The following MYLK4 variants were observed in gnomAD, a reference collection of about 807,000 sequenced individuals.
MYLK4 encodes the protein myosin light chain kinase family member 4.
Under a neutral mutation model 48.1 loss-of-function variants are expected in MYLK4, and 46 were observed. The ratio of observed to expected loss-of-function variants is 0.96; its 90% CI spans 0.75 to 1.22. The LOEUF (loss-of-function observed/expected upper bound fraction) is 1.22, where lower values mean the gene tolerates loss of function less well. Among genes scored for constraint, MYLK4 ranks in the 50% most tolerant of loss-of-function variants. The probability of loss-of-function intolerance (pLI) is 0.00; values close to 1 mark genes in which losing one functional copy is unlikely to be tolerated. For missense variants in MYLK4, 451 were observed against 486.1 expected (o/e 0.93, Z 0.68); for synonymous variants, 170 against 180.8 (o/e 0.94, Z 0.48).
At chr6:2,769,097 G>C in the MYLK4 span, among the ~76,000 whole-genome samples, 1 of 152,086 alleles carries the variant, frequency 6.6e-6, no homozygotes, top group African/African-American at 2.4e-5. Context: ...GAAATGGTTG[G>C]CATATCCCTG....
chr6:2,723,559 G>A (rs1374587243), intron 2 of MYLK4, among the ~76,000 whole-genome samples: 2 of 152,212 alleles, frequency 1.3e-5, no homozygotes, highest in Non-Finnish European at 2.9e-5. Context: ...GGCACCCCAG[G>A]GTCTGCGTTT....
intron 11 of MYLK4, among the ~76,000 whole-genome samples, chr6:2,674,209 A>G (rs1760999825): frequency 6.6e-6 from 1 of 152,218 alleles, no homozygotes; most frequent in Non-Finnish European, 1.5e-5. Context: ...GTTATTACAG[A>G]GAGTGGGCTA....
the MYLK4 span, chr6:2,768,953 AC>A: frequency 6.9e-7 from 1 of 1,452,482 alleles, no homozygotes; most frequent in South Asian, 1.4e-5. Context: ...AGATCACTAT[AC>A]AAACGCTAGA....
chr6:2,720,530 G>A (rs9392421), intron 2 of MYLK4, among the ~76,000 whole-genome samples: 129,779 of 152,190 alleles, frequency 0.85, 55,428 homozygotes, highest in Admixed American at 0.89. Context: ...AAAGGAAATT[G>A]CAGTTTTTGC....
chr6:2,718,365 C>A (rs1762946626), intron 2 of MYLK4, among the ~76,000 whole-genome samples: 1 of 152,210 alleles, frequency 6.6e-6, no homozygotes, highest in African/African-American at 2.4e-5. Flanking sequence ...CTTCTCCCTT[C>A]TTCTATTCTA....
At chr6:2,734,315 C>T (rs912156268) in intron 2 of MYLK4, among the ~76,000 whole-genome samples, 2 of 152,212 alleles carry the variant, frequency 1.3e-5, no homozygotes, top group African/African-American at 4.8e-5. Context: ...CTGTCAGCGT[C>T]TGTCACAGGG....
At chr6:2,754,282 C>T (rs1006318612), upstream of MYLK4, among the ~76,000 whole-genome samples, 17 of 152,090 alleles carry the variant, frequency 1.1e-4, no homozygotes, top group Middle Eastern at 3.4e-3. Context: ...AAATGTCCAT[C>T]GGATGATTTG....
In MYLK4 at chr6:2,678,260, C is replaced by A; in HGVS notation, c.1000G>T (p.Ala334Ser). 1.2e-6 allele frequency: 2 copies of A among 1,614,166 alleles called. No homozygotes were observed. Among genetic ancestry groups the A allele is most frequent in the African/African-American group, 1.3e-5 (1 of 75,056 alleles). ...DEEFQDISEE[A>S]KEFISKLLIK... The stretch of plus-strand genomic sequence containing the variant: ...AGAAGCTTAGAGATGAACTCCTTGG[C>A]CTCCTCCGAGATGTCCTGAAATTCT... The change falls in exon 10 of 13, where the codon GCC becomes TCC. Residue 334 changes from alanine to serine, a missense_variant. Coordinates refer to ENST00000274643, the MANE Select transcript of MYLK4 (RefSeq NM_001012418.5).
Position 2,680,410 on chromosome 6 carries a change from G to A in MYLK4, c.688-119C>T, listed in dbSNP as rs181741332. ...AAAAACATATCAGGCCTTTCACTTC[G>A]GGGCGGGCTTGTCCGTGTGGGTACT... On this transcript the variant is annotated intron_variant, in intron 7 of 12. Transcript: ENST00000274643. 15 of 1,558,350 alleles carry A rather than the reference G, an allele frequency of 9.6e-6. No homozygotes were observed. The African/African-American group carries it at 1.2e-4, about 13-fold the overall frequency.
chr6:2,765,118 C>T, the MYLK4 span, among the ~76,000 whole-genome samples: 1 of 150,814 alleles, frequency 6.6e-6, no homozygotes, highest in East Asian at 1.9e-4. Flanking sequence ...GACTCGCAGG[C>T]CTGGGCGGAG....
intron 2 of MYLK4, among the ~76,000 whole-genome samples, chr6:2,701,017 G>A (rs770933518): frequency 8.5e-5 from 13 of 152,146 alleles, no homozygotes; most frequent in African/African-American, 2.2e-4. Flanking sequence ...CTAAGAAATT[G>A]AGAGCGTGAG....
chr6:2,716,042 A>T (rs1206893733), intron 2 of MYLK4, among the ~76,000 whole-genome samples: 2 of 152,168 alleles, frequency 1.3e-5, no homozygotes, highest in African/African-American at 2.4e-5. Context: ...AAACTCTAGT[A>T]AATGTTTCTT....
chr6:2,737,015 G>A (rs957830912), intron 2 of MYLK4, among the ~76,000 whole-genome samples: 15 of 152,216 alleles, frequency 9.9e-5, no homozygotes, highest in Non-Finnish European at 8.8e-5. Context: ...GTTCTACGAA[G>A]CCTATGTTGC....
At chr6:2,696,981 C>T (rs1250074804) in intron 2 of MYLK4, among the ~76,000 whole-genome samples, 1 of 152,206 alleles carries the variant, frequency 6.6e-6, no homozygotes, top group East Asian at 1.9e-4. Flanking sequence ...ATTGCTTGAA[C>T]CCTGGAGGCG....
Position 2,696,877 on chromosome 6 carries a change from T to C in MYLK4, c.160-4018A>G, listed in dbSNP as rs949487723. Among the ~76,000 whole-genome samples the C allele has an allele frequency of 2.6e-4, 40 of 152,094 alleles. 1 individual carries two copies. The highest frequency in any genetic ancestry group is 7.2e-4 in the African/African-American group (30 of 41,408). ...GAGTTTGAGACCAGCCCGGCCAACA[T>C]AGTGAAACTCCATCTCTACTAAAAA... On this transcript the variant is annotated intron_variant, in intron 2 of 12. Coordinates refer to ENST00000274643, the MANE Select transcript of MYLK4 (RefSeq NM_001012418.5).
intron 2 of MYLK4, among the ~76,000 whole-genome samples, chr6:2,723,899 C>T (rs907915483): frequency 1.3e-5 from 2 of 152,054 alleles, no homozygotes; most frequent in African/African-American, 4.8e-5. Context: ...ATTTTTGAGA[C>T]AGGGTCTCAC....
At chr6:2,688,143 C>G (rs1761629596) in intron 4 of MYLK4, among the ~76,000 whole-genome samples, 1 of 152,002 alleles carries the variant, frequency 6.6e-6, no homozygotes, top group South Asian at 2.1e-4. Flanking sequence ...ACTGCAGCCT[C>G]CAACTCCCTG....
intron 2 of MYLK4, among the ~76,000 whole-genome samples, chr6:2,725,787 A>G (rs998148275): frequency 1.3e-5 from 2 of 152,218 alleles, no homozygotes; most frequent in Non-Finnish European, 2.9e-5. Flanking sequence ...TATACATCAG[A>G]ATTCAAAGTA....
At chr6:2,759,446 T>C in the MYLK4 span, among the ~76,000 whole-genome samples, 3 of 152,200 alleles carry the variant, frequency 2.0e-5, no homozygotes, top group Non-Finnish European at 4.4e-5. Context: ...TTGGTCTCTG[T>C]TTTTCATGAA....
Sources: gnomAD v4.1 joint callset for allele counts (sites outside exome capture counted in the v4.1 genomes callset) on GRCh38, gnomAD v4.1.1 for gene constraint, MANE v1.5 for transcripts, NCBI Gene and HGNC (gene_info 2026-07-23, HGNC 2026-07-21) for gene names.